PSMB1: variants seen among roughly 807,000 people sequenced by gnomAD.
PSMB1 encodes the protein proteasome subunit beta type-1.
PSMB1 carries 7 observed loss-of-function variants against 25.4 expected under a neutral mutation model. That is an observed-to-expected ratio of 0.28 (90% CI 0.16 to 0.52). The LOEUF (loss-of-function observed/expected upper bound fraction) is 0.52. Ranked by LOEUF, PSMB1 falls within the 20% of genes least tolerant of loss-of-function variation. The probability of loss-of-function intolerance (pLI) is 0.97; values close to 1 mark genes in which losing one functional copy is unlikely to be tolerated. For missense variants in PSMB1, 284 were observed against 302.2 expected (o/e 0.94, Z 0.45); for synonymous variants, 119 against 115.0 (o/e 1.03, Z -0.22).
chr6:170,546,002 G>T, intron 3 of PSMB1, 101 bp downstream of exon 3: 1 of 938,634 alleles, frequency 1.1e-6, no homozygotes, highest in Non-Finnish European at 1.6e-6. Context: ...CTAACCTAGT[G>T]ACTCTCTAGC....
rs554914253 is a variant in PSMB1 at position 170,542,900 on chromosome 6, T to C, written c.433+701A>G. On this transcript the variant is annotated intron_variant, in intron 4 of 5. Coordinates refer to ENST00000262193, the MANE Select transcript of PSMB1 (RefSeq NM_002793.4). ...GACACAGATGGACTACTTATCCATC[T>C]GTGTCAATGGACTACTCTAAGTGAC... is the stretch of plus-strand genomic sequence containing the variant. 2.0e-5 allele frequency among the ~76,000 whole-genome samples: 3 copies of C among 152,344 alleles called. No individual in the cohort carries two copies. The South Asian group carries it at 6.2e-4, about 32-fold the overall frequency.
chr6:170,548,957 C>G, intron 2 of PSMB1, 49 bp downstream of exon 2: 11 of 1,342,006 alleles, frequency 8.2e-6, no homozygotes, highest in Non-Finnish European at 1.1e-5. Context: ...CTCACAACAT[C>G]AAATCATTAC....
intron 3 of PSMB1, among the ~76,000 whole-genome samples, chr6:170,545,477 AAT>A (rs1213414298): frequency 6.6e-6 from 1 of 152,210 alleles, no homozygotes; most frequent in Non-Finnish European, 1.5e-5. Flanking sequence ...CAGTTAAATA[AAT>A]ATACTATATA....
chr6:170,537,332 C>T lies in PSMB1; in HGVS notation c.442G>A (p.Ala148Thr), dbSNP rs1778707093. 3 of 1,612,374 alleles carry T rather than the reference C, an allele frequency of 1.9e-6. No individual in the cohort carries two copies. The highest frequency in any genetic ancestry group is 2.2e-5 in the South Asian group (2 of 90,972). ...IGGLDEEGKGAVYSFDPVGSY... is the reference protein window; with the variant it reads ...IGGLDEEGKGTVYSFDPVGSY... ...CCTACTGGATCAAAGCTGTATACAGCCCCCTTTCCTTAAAGAAGAAAACAG... is the reference window on the plus strand; with the variant it reads ...CCTACTGGATCAAAGCTGTATACAGTCCCCTTTCCTTAAAGAAGAAAACAG... The change falls in exon 5 of 6, where the codon GCT (alanine) becomes ACT (threonine). Residue 148 changes from alanine to threonine, a missense_variant. Physicochemically the swap from Ala to Thr is moderately conservative, Grantham distance 58 (BLOSUM62 0). Coordinates refer to ENST00000262193, the MANE Select transcript of PSMB1 (RefSeq NM_002793.4).
intron 4 of PSMB1, among the ~76,000 whole-genome samples, chr6:170,537,641 G>A (rs1297678802): frequency 6.6e-6 from 1 of 152,158 alleles, no homozygotes; most frequent in Non-Finnish European, 1.5e-5. Flanking sequence ...ATACAATATT[G>A]AGTAACACAG....
intron 3 of PSMB1, among the ~76,000 whole-genome samples, chr6:170,544,322 C>T (rs915347828): frequency 6.6e-6 from 1 of 152,184 alleles, no homozygotes; most frequent in Non-Finnish European, 1.5e-5. Context: ...CACCCTTACT[C>T]TGCATGATTT....
At chr6:170,549,280 C>T (rs1464452253) in intron 1 of PSMB1, 167 bp from the exon 2 acceptor site, 10 of 501,278 alleles carry the variant, frequency 2.0e-5, no homozygotes, top group East Asian at 6.1e-5. Context: ...CGCCTGGCTA[C>T]GAGTTGTCTG....
intron 1 of PSMB1, among the ~76,000 whole-genome samples, chr6:170,550,802 G>T (rs1481820407): frequency 6.7e-6 from 1 of 149,612 alleles, no homozygotes; most frequent in Non-Finnish European, 1.5e-5. Context: ...CCAAGATTTA[G>T]AACTTAGATG....
chr6:170,543,845 T>C, intron 3 of PSMB1, 115 bp from the exon 4 acceptor site: 16 of 1,071,760 alleles, frequency 1.5e-5, no homozygotes, highest in Non-Finnish European at 1.9e-5. Flanking sequence ...GGGGAAAGCA[T>C]GCCTATTTCC....
chr6:170,538,690 C>T (rs1778722731), intron 4 of PSMB1, among the ~76,000 whole-genome samples: 1 of 152,130 alleles, frequency 6.6e-6, no homozygotes, highest in African/African-American at 2.4e-5. Flanking sequence ...CAGAGCGAGA[C>T]TTGGTCTCAA....
chr6:170,537,204 A>C, intron 5 of PSMB1, 30 bp downstream of exon 5: 1 of 1,534,486 alleles, frequency 6.5e-7, no homozygotes, highest in Non-Finnish European at 9.0e-7. Flanking sequence ...AGTTGGACAT[A>C]GTATCATTAC....
chr6:170,536,890 G>C (rs902873379), intron 5 of PSMB1, among the ~76,000 whole-genome samples: 1 of 152,136 alleles, frequency 6.6e-6, no homozygotes, highest in East Asian at 1.9e-4. Flanking sequence ...GGGTAACACA[G>C]AAAGGGGGGG....
At position 170,546,151 on chromosome 6, in the gene PSMB1, A is replaced by G; in HGVS notation, c.255T>C (p.Phe85=). The change falls in exon 3 of 6, where the codon TTT becomes TTC. Residue 85 remains phenylalanine, a synonymous_variant. Transcript: ENST00000262193. ...TTGTCAGCGTAAGACAGTCTCCATG[A>G]AAACCGCTGCATCCAATGACTGTTT... ...TDKTVIGCSG[F]HGDCLTLTKI... 1 of 1,614,024 alleles carries G rather than the reference A, an allele frequency of 6.2e-7. No homozygotes were observed. The highest frequency in any genetic ancestry group is 8.5e-7 in the Non-Finnish European group (1 of 1,179,942).
intron 1 of PSMB1, chr6:170,549,935 A>T (rs1484929144): frequency 6.6e-6 from 1 of 152,246 alleles, no homozygotes; most frequent in African/African-American, 2.4e-5. Flanking sequence ...GGGCTCTGGA[A>T]TTACATGAGA....
chr6:170,535,401 C>G lies in PSMB1; in HGVS notation c.545G>C (p.Gly182Ala). ...MLQPLLDNQVGFKNMQNVEHV... is the reference protein window; with the variant it reads ...MLQPLLDNQVAFKNMQNVEHV... ...CTCCACATTCTGCATGTTCTTAAAA[C>G]CAACCTGGTGGGACATGAAACTTGG... is the stretch of plus-strand genomic sequence containing the variant. The change falls in exon 6 of 6, where the codon GGT becomes GCT. Residue 182 changes from glycine (G) to alanine (A), a missense_variant. By Grantham distance (60) the Gly-to-Ala change is moderately conservative. Transcript: ENST00000262193. The G allele has an allele frequency of 6.2e-7, 1 of 1,612,000 alleles. No homozygotes were observed. Among genetic ancestry groups the G allele is most frequent in the South Asian group, 1.1e-5 (1 of 90,914 alleles).
Position 170,549,176 on chromosome 6 carries a change from A to ATTTCT in PSMB1, c.114-64_114-63insAGAAA, listed in dbSNP as rs1317158766. 74 of 928,730 alleles carry ATTTCT rather than the reference A, an allele frequency of 8.0e-5. No individual in the cohort carries two copies. In the South Asian group the frequency reaches 9.5e-4, roughly 12 times the overall value. The allele number at this position is 928,730 out of a possible 1,614,324, so 57.5% of individuals were successfully genotyped here. A position where few individuals can be genotyped will look rare whatever the true frequency, so the allele number is the denominator to read the frequency against. On this transcript the variant is annotated intron_variant, in intron 1 of 5. Coordinates refer to ENST00000262193, the MANE Select transcript of PSMB1 (RefSeq NM_002793.4). ...TAATCCTATCCCTACAAATAGAAGA[A>ATTTCT]TGCTCCATAGTACATAATGGGATAA...
intron 2 of PSMB1, among the ~76,000 whole-genome samples, chr6:170,548,070 T>C (rs1417425572): frequency 6.6e-6 from 1 of 152,134 alleles, no homozygotes; most frequent in African/African-American, 2.4e-5. Context: ...AAGAGCACCA[T>C]AAACAGAAAG....
Position 170,553,274 on chromosome 6 carries a change from C to G in PSMB1, c.-32G>C, listed in dbSNP as rs766974261. 6 of 1,531,366 alleles carry G rather than the reference C, an allele frequency of 3.9e-6. No homozygotes were observed. The East Asian group carries it at 1.4e-4, about 35-fold the overall frequency. 94.9% of individuals were successfully genotyped at this position (1,531,366 alleles called of 1,614,324 possible). ...GCTGCGCCTGCGGATCCGACACTTG[C>G]TGTCTCACGGCGAGATGGCTGCCTT... On this transcript the variant is annotated 5_prime_UTR_variant, in exon 1 of 6. Transcript: ENST00000262193.
chr6:170,545,144 C>CAAA (rs373077081), intron 3 of PSMB1, among the ~76,000 whole-genome samples: 1 of 128,308 alleles, frequency 7.8e-6, no homozygotes, highest in African/African-American at 2.8e-5. Context: ...AACTCTGTCT[C>CAAA]AAAAAAAAAA....
Sources: gnomAD v4.1 joint callset for allele counts (sites outside exome capture counted in the v4.1 genomes callset) on GRCh38, gnomAD v4.1.1 for gene constraint, MANE v1.5 for transcripts, NCBI Gene and HGNC (gene_info 2026-07-23, HGNC 2026-07-21) for gene names.